Variants in PSEN1 observed in about 807,000 individuals in gnomAD.
PSEN1 encodes presenilin 1.
A neutral mutation model predicts 53.5 loss-of-function variants in PSEN1; 15 were observed. The ratio of observed to expected loss-of-function variants is 0.28; its 90% confidence interval spans 0.19 to 0.43. PSEN1 has a LOEUF of 0.43. Among genes scored for constraint, PSEN1 ranks in the 20% least tolerant of loss-of-function variants. The pLI is 1.00. For missense variants in PSEN1, 387 were observed against 571.2 expected, an observed-to-expected ratio of 0.68 and a Z score of 3.29; for synonymous variants, 208 against 209.8, an observed-to-expected ratio of 0.99 and a Z score of 0.08.
rs199759123 is a variant in PSEN1, at chr14:73,219,489, C to T, written c.*200C>T. The T allele has an allele frequency of 1.6e-6, 1 of 614,094 alleles. No individual in the cohort carries two copies. The highest frequency in any genetic ancestry group is 2.9e-6 in the Non-Finnish European group (1 of 344,390). The allele number at this position is 614,094 out of a possible 1,614,324, so 38.0% of individuals were successfully genotyped here. A position where few individuals can be genotyped will look rare whatever the true frequency, so the allele number is the denominator to read the frequency against. ...GGTGCCTATAGAAAACGATTTTGAACATACTTCATCGCAGTGGACTGTGTC... is the reference window on the plus strand; with the variant it reads ...GGTGCCTATAGAAAACGATTTTGAATATACTTCATCGCAGTGGACTGTGTC... On this transcript the variant is annotated 3_prime_UTR_variant, in exon 12 of 12. Transcript: ENST00000324501.
intron 3 of PSEN1, among the ~76,000 whole-genome samples, chr14:73,166,165 A>G (rs755957699): frequency 5.9e-5 from 9 of 152,218 alleles, no homozygotes; most frequent in Non-Finnish European, 1.2e-4. Context: ...TCTAGTATCC[A>G]TCTCATTATC....
chr14:73,145,133 TC>T (rs1320962503), intron 1 of PSEN1, among the ~76,000 whole-genome samples: 1 of 152,034 alleles, frequency 6.6e-6, no homozygotes, highest in Non-Finnish European at 1.5e-5. Context: ...CCTCAAATGA[TC>T]TGTGTGCCTC....
intron 8 of PSEN1, among the ~76,000 whole-genome samples, chr14:73,204,904 AC>A (rs1899389271): frequency 6.6e-6 from 1 of 151,864 alleles, no homozygotes; most frequent in Non-Finnish European, 1.5e-5. Flanking sequence ...TAATCCATAA[AC>A]CTCATACTTG....
intron 7 of PSEN1, among the ~76,000 whole-genome samples, chr14:73,197,197 T>C (rs777738696): frequency 2.0e-5 from 3 of 152,220 alleles, no homozygotes; most frequent in Non-Finnish European, 2.9e-5. Flanking sequence ...CCTCCCAAAG[T>C]GCTGGGATTG....
chr14:73,155,580 TGCA>T (rs1415125798), intron 3 of PSEN1, among the ~76,000 whole-genome samples: 2 of 152,156 alleles, frequency 1.3e-5, no homozygotes, highest in Non-Finnish European at 2.9e-5. Flanking sequence ...CATAGCTCAG[TGCA>T]GCCTGTAAGT....
chr14:73,206,470 A>G lies in PSEN1; in HGVS notation c.953A>G (p.Glu318Gly), dbSNP rs17125721. 0.018 allele frequency: 28,583 copies of G among 1,607,260 alleles called. 345 individuals carry two copies. Among genetic ancestry groups the G allele is most frequent in the Non-Finnish European group, 0.02 (23,431 of 1,173,758 alleles). The change falls in exon 9 of 12, where the codon GAA becomes GGA. Residue 318 changes from glutamate to glycine, a missense_variant and splice_region_variant. Physicochemically the swap from Glu to Gly is moderately conservative, Grantham distance 98. Transcript: ENST00000324501. The part of the protein sequence containing the change: ...RVSKNSKYNA[E>G]STERESQDTV... Reference sequence around the variant, plus strand: ...TCCAAAAATTCCAAGTATAATGCAGAAAGTAGGTAACTTTTATTAGATAAT... The same window carrying G: ...TCCAAAAATTCCAAGTATAATGCAGGAAGTAGGTAACTTTTATTAGATAAT...
At chr14:73,149,442 A>G (rs551512952) in intron 3 of PSEN1, among the ~76,000 whole-genome samples, 54 of 152,288 alleles carry the variant, frequency 3.5e-4, no homozygotes, top group African/African-American at 1.3e-3. Context: ...AGATCTGTAG[A>G]GGATTAGTCC....
At chr14:73,160,314 A>G (rs1897491440) in intron 3 of PSEN1, among the ~76,000 whole-genome samples, 2 of 152,224 alleles carry the variant, frequency 1.3e-5, no homozygotes, top group Admixed American at 1.3e-4. Context: ...GGTTACTTCC[A>G]CTTCGTGGCT....
intron 8 of PSEN1, among the ~76,000 whole-genome samples, chr14:73,200,642 T>C (rs1006185858): frequency 6.6e-6 from 1 of 152,224 alleles, no homozygotes; most frequent in Non-Finnish European, 1.5e-5. Context: ...TCACGGTAAC[T>C]ATCATCTCTA....
At chr14:73,164,536 C>A (rs982025457) in intron 3 of PSEN1, among the ~76,000 whole-genome samples, 1 of 152,164 alleles carries the variant, frequency 6.6e-6, no homozygotes, top group African/African-American at 2.4e-5. Context: ...GAATTTACAA[C>A]AACCCTATCA....
chr14:73,179,310 G>A (rs763204855), intron 5 of PSEN1, among the ~76,000 whole-genome samples: 13 of 152,222 alleles, frequency 8.5e-5, no homozygotes, highest in Non-Finnish European at 1.6e-4. Context: ...CTGGGCATAC[G>A]AGAATGGAGA....
chr14:73,151,532 G>A (rs1439390697), intron 3 of PSEN1, among the ~76,000 whole-genome samples: 4 of 152,060 alleles, frequency 2.6e-5, no homozygotes, highest in Non-Finnish European at 4.4e-5. Flanking sequence ...TTTTCTAAAT[G>A]TTCTATAATA....
chr14:73,146,595 G>A (rs577446560), intron 1 of PSEN1, among the ~76,000 whole-genome samples: 5 of 152,244 alleles, frequency 3.3e-5, no homozygotes, highest in Non-Finnish European at 5.9e-5. Context: ...TTAAAAATGT[G>A]TAATGATTTG....
intron 3 of PSEN1, among the ~76,000 whole-genome samples, chr14:73,148,888 G>A (rs975209722): frequency 6.6e-6 from 1 of 151,962 alleles, no homozygotes; most frequent in Non-Finnish European, 1.5e-5. Flanking sequence ...AGCTGACGTC[G>A]CGCCATTGCA....
At chr14:73,181,583 A>T (rs2140061677) in intron 5 of PSEN1, among the ~76,000 whole-genome samples, 2 of 152,100 alleles carry the variant, frequency 1.3e-5, no homozygotes, top group African/African-American at 4.8e-5. Context: ...ACATAGTGAG[A>T]CCCCAGTCTC....
At chr14:73,172,675 A>C (rs1473301510) in intron 4 of PSEN1, among the ~76,000 whole-genome samples, 1 of 152,222 alleles carries the variant, frequency 6.6e-6, no homozygotes, top group African/African-American at 2.4e-5. Flanking sequence ...CTTTTTACAG[A>C]GATGTTTCTG....
intron 5 of PSEN1, among the ~76,000 whole-genome samples, chr14:73,184,309 C>G (rs1898368342): frequency 7.6e-6 from 1 of 131,190 alleles, no homozygotes; most frequent in Non-Finnish European, 1.6e-5. Flanking sequence ...GGCTGACCCC[C>G]CCACCTCCCT....
At chr14:73,180,622 A>T (rs555895920) in intron 5 of PSEN1, among the ~76,000 whole-genome samples, 1 of 152,350 alleles carries the variant, frequency 6.6e-6, no homozygotes, top group East Asian at 1.9e-4. Context: ...ATAATTTGTT[A>T]TAAAAGGAAC....
chr14:73,164,510 A>C (rs994526729), intron 3 of PSEN1, among the ~76,000 whole-genome samples: 1 of 152,238 alleles, frequency 6.6e-6, no homozygotes, highest in African/African-American at 2.4e-5. Context: ...TACGTCTTTG[A>C]AGTACTATCC....
Sources: gnomAD v4.1 joint callset for allele counts (sites outside exome capture counted in the v4.1 genomes callset) on GRCh38, gnomAD v4.1.1 for gene constraint, MANE v1.5 for transcripts, NCBI Gene and HGNC (gene_info 2026-07-23, HGNC 2026-07-21) for gene names.